CALD1: variants seen among roughly 807,000 people sequenced by gnomAD.
CALD1 encodes caldesmon 1, also known as caldesmon.
In CALD1, 33 loss-of-function variants were observed where a neutral mutation model predicts 99.9. The observed-to-expected ratio is 0.33, with a 90% CI of 0.25 to 0.44. The LOEUF is 0.44. Among genes scored for constraint, CALD1 ranks in the 20% least tolerant of loss-of-function variants. The pLI is 1.00. For missense variants in CALD1, 861 were observed against 962.1 expected, an observed-to-expected ratio of 0.89 and a Z score of 1.39; for synonymous variants, 310 against 325.0, an observed-to-expected ratio of 0.95 and a Z score of 0.50.
chr7:134,753,038 A>C (rs947849680), intron 1 of CALD1, among the ~76,000 whole-genome samples: 19 of 152,070 alleles, frequency 1.2e-4, no homozygotes, highest in African/African-American at 4.6e-4. Context: ...AAAAACAAAA[A>C]AAAAAAACAC....
intron 1 of CALD1, chr7:134,745,436 T>C (rs1317621443): frequency 6.6e-6 from 1 of 152,246 alleles, no homozygotes; most frequent in African/African-American, 2.4e-5. Flanking sequence ...ATTCCGCTAC[T>C]GGATTTAGTT....
At chr7:134,880,246 C>T (rs1049809898) in intron 3 of CALD1, among the ~76,000 whole-genome samples, 8 of 152,172 alleles carry the variant, frequency 5.3e-5, no homozygotes, top group African/African-American at 1.2e-4. Flanking sequence ...AACTCAGAGC[C>T]GGCACCAGCA....
At chr7:134,934,934 C>T (rs1805842114) in intron 5 of CALD1, among the ~76,000 whole-genome samples, 1 of 151,626 alleles carries the variant, frequency 6.6e-6, no homozygotes, top group African/African-American at 2.4e-5. Flanking sequence ...TGGAAATTAA[C>T]TGGTAATAAA....
chr7:134,867,494 T>C (rs1800855636), intron 2 of CALD1, among the ~76,000 whole-genome samples, 199 bp from the exon 3 acceptor site: 1 of 152,218 alleles, frequency 6.6e-6, no homozygotes, highest in Admixed American at 6.5e-5. Context: ...ATCTTACTTA[T>C]TTGTCTCTAG....
At chr7:134,951,649 C>T (rs894221781) in intron 9 of CALD1, among the ~76,000 whole-genome samples, 1 of 152,164 alleles carries the variant, frequency 6.6e-6, no homozygotes, top group Non-Finnish European at 1.5e-5. Context: ...TCATGGAGCA[C>T]AGCTCCTATT....
intron 1 of CALD1, among the ~76,000 whole-genome samples, chr7:134,754,745 T>TACTAA (rs59894128): frequency 0.66 from 100,296 of 151,246 alleles, 33,834 homozygotes; most frequent in East Asian, 0.99. Flanking sequence ...TCTACTCAAC[T>TACTAA]ACTAAACGCT....
At chr7:134,774,169 C>CA (rs5887704) in intron 1 of CALD1, among the ~76,000 whole-genome samples, 4,937 of 135,922 alleles carry the variant, frequency 0.036, 242 homozygotes, top group African/African-American at 0.13. Context: ...GATTCCATCT[C>CA]AAAAAAAAAA....
rs753885522 is a variant in CALD1 at position 134,832,005 on chromosome 7, T to C, written c.-129-11879T>C. On this transcript the variant is annotated intron_variant, in intron 1 of 14. Coordinates refer to ENST00000361675, the MANE Select transcript of CALD1 (RefSeq NM_033138.4). The stretch of plus-strand genomic sequence containing the variant: ...CGAGTGTCCCGTATAACCGTGATCC[T>C]AGGACTTTTATAAGCCCGTCTTTTC... 7.2e-4 allele frequency among the ~76,000 whole-genome samples: 109 copies of C among 152,376 alleles called. 2 individuals are homozygous for C. Among genetic ancestry groups the C allele is most frequent in the Non-Finnish European group, 1.2e-3 (84 of 68,036 alleles).
rs754416783 is a variant in CALD1 at position 134,933,128 on chromosome 7, A to C, written c.359A>C (p.Glu120Ala). ...CAGGAGGCTCTGGAGCGGCAGAAGGAGTTCGACCCAACAATAACAGATGCA... is the reference window on the plus strand; with the variant it reads ...CAGGAGGCTCTGGAGCGGCAGAAGGCGTTCGACCCAACAATAACAGATGCA... ...RLQEALERQKEFDPTITDASL... is the reference protein window; with the variant it reads ...RLQEALERQKAFDPTITDASL... The change falls in exon 5 of 15, where the codon GAG becomes GCG. Residue 120 changes from glutamate to alanine, a missense_variant. Physicochemically the swap from Glu to Ala is moderately radical, Grantham distance 107. Around this residue, in one of 5 missense-constraint regions of CALD1, gnomAD observed 123 missense variants for 169.8 expected, o/e 0.72. Coordinates refer to ENST00000361675, the MANE Select transcript of CALD1 (RefSeq NM_033138.4). The C allele has an allele frequency of 2.7e-5, 44 of 1,613,904 alleles. No individual in the cohort carries two copies. Among genetic ancestry groups the C allele is most frequent in the Admixed American group, 1.3e-4 (8 of 59,982 alleles).
At chr7:134,808,613 C>A (rs1011601175) in intron 1 of CALD1, among the ~76,000 whole-genome samples, 1 of 152,200 alleles carries the variant, frequency 6.6e-6, no homozygotes, top group Non-Finnish European at 1.5e-5. Context: ...TTTCTTAATC[C>A]CTGTACACAC....
rs1228001799 is a variant in CALD1 at position 134,847,790 on chromosome 7, G to A, written c.-42+3819G>A. Among the ~76,000 whole-genome samples, 3 of 152,160 alleles carry A rather than the reference G, an allele frequency of 2.0e-5. No homozygotes were observed. In the East Asian group the frequency reaches 5.8e-4, roughly 29 times the overall value. ...TGTGCTGAGAAGGGGGATACAGCAG[G>A]GAGAAAAACACACAACGGTGCCAGG... On this transcript the variant is annotated intron_variant, in intron 2 of 14. Transcript: ENST00000361675.
chr7:134,947,784 A>C lies in CALD1; in HGVS notation c.1794+15A>C. The C allele has an allele frequency of 2.5e-6, 4 of 1,607,122 alleles. No individual in the cohort carries two copies. The highest frequency in any genetic ancestry group is 3.4e-6 in the Non-Finnish European group (4 of 1,176,608). On this transcript the variant is annotated intron_variant, in intron 8 of 14. Coordinates refer to ENST00000361675, the MANE Select transcript of CALD1 (RefSeq NM_033138.4). Reference sequence around the variant, plus strand: ...TCAGAGAGGAGGTAAGGCGGGCGCTAGCCCACTGAGAACGTTGCCCGGGAA... The same window carrying C: ...TCAGAGAGGAGGTAAGGCGGGCGCTCGCCCACTGAGAACGTTGCCCGGGAA...
chr7:134,892,541 C>T (rs1802279317), intron 3 of CALD1, among the ~76,000 whole-genome samples: 1 of 152,124 alleles, frequency 6.6e-6, no homozygotes. Context: ...GTTGTTCCAG[C>T]GTTTGTGCAA....
intron 3 of CALD1, among the ~76,000 whole-genome samples, chr7:134,874,573 T>A (rs2132377874): frequency 6.6e-6 from 1 of 152,340 alleles, no homozygotes; most frequent in South Asian, 2.1e-4. Flanking sequence ...CAAATGGCTC[T>A]CTCACTTTCC....
At chr7:134,797,926 T>A (rs1201625051) in intron 1 of CALD1, among the ~76,000 whole-genome samples, 2 of 152,194 alleles carry the variant, frequency 1.3e-5, no homozygotes, top group African/African-American at 2.4e-5. Flanking sequence ...TAAATAAAAG[T>A]TTATTTTAGA....
At chr7:134,890,012 A>G (rs1020936426) in intron 3 of CALD1, among the ~76,000 whole-genome samples, 3 of 152,004 alleles carry the variant, frequency 2.0e-5, no homozygotes, top group African/African-American at 7.2e-5. Flanking sequence ...GGGTTCAAGC[A>G]ATTCTCCTGC....
chr7:134,895,033 T>C (rs543984815), intron 3 of CALD1, among the ~76,000 whole-genome samples: 1 of 151,816 alleles, frequency 6.6e-6, no homozygotes, highest in Admixed American at 6.6e-5. Flanking sequence ...CAAGGAAACG[T>C]AGGAAATTAT....
At chr7:134,794,220 C>A (rs994941612) in intron 1 of CALD1, among the ~76,000 whole-genome samples, 40 of 152,172 alleles carry the variant, frequency 2.6e-4, no homozygotes, top group African/African-American at 9.4e-4. Context: ...CTAGAACAAT[C>A]CCTACACCAC....
intron 14 of CALD1, among the ~76,000 whole-genome samples, chr7:134,967,047 G>A (rs1808727748): frequency 6.6e-6 from 1 of 152,152 alleles, no homozygotes; most frequent in Non-Finnish European, 1.5e-5. Context: ...AAAAGCAGAT[G>A]TCAGCTGGCC....
Sources: gnomAD v4.1 joint callset for allele counts (sites outside exome capture counted in the v4.1 genomes callset) on GRCh38, gnomAD v4.1.1 for gene constraint, gnomAD v4.1.1 regional missense constraint, MANE v1.5 for transcripts, NCBI Gene and HGNC (gene_info 2026-07-23, HGNC 2026-07-21) for gene names.